SEMA6D: variants seen among roughly 807,000 people sequenced by gnomAD.
SEMA6D encodes the protein semaphorin 6D, also known as semaphorin-6D.
SEMA6D carries 35 observed loss-of-function variants against 106.6 expected under a neutral mutation model. That is an observed-to-expected ratio of 0.33 (90% CI 0.25 to 0.44). The LOEUF (loss-of-function observed/expected upper bound fraction) is 0.44, where lower values mean the gene tolerates loss of function less well. SEMA6D is among the 20% of genes least tolerant of loss of function. SEMA6D has a pLI of 1.00. For missense variants in SEMA6D, 1,185 were observed against 1,345.9 expected, an observed-to-expected ratio of 0.88 and a Z score of 1.87; for synonymous variants, 499 against 487.7, an observed-to-expected ratio of 1.02 and a Z score of -0.31.
rs746411921 is a variant in SEMA6D, at chr15:47,771,001, C to T, written c.2438C>T (p.Pro813Leu). The T allele has an allele frequency of 6.6e-5, 106 of 1,613,960 alleles. 1 individual carries two copies. Among genetic ancestry groups the T allele is most frequent in the Middle Eastern group, 3.3e-4 (2 of 6,084 alleles). Residue 813 changes from proline (P) to leucine (L), a missense_variant, in exon 19 of 19, where the codon CCG becomes CTG. Around this residue, in one of 3 missense-constraint regions of SEMA6D, gnomAD observed 750 missense variants for 783.5 expected, o/e 0.96. Transcript: ENST00000536845. ...ACCCCTCAGTTTTTTCCGTCTAGTCCGCCACCTCATTCCCCATTAAGTCAT... is the reference window on the plus strand; with the variant it reads ...ACCCCTCAGTTTTTTCCGTCTAGTCTGCCACCTCATTCCCCATTAAGTCAT... ...KETPQFFPSS[P>L]PPHSPLSHGH... is the part of the protein sequence containing the mutation.
intron 1 of SEMA6D, among the ~76,000 whole-genome samples, chr15:47,395,877 T>C (rs2040197701): frequency 6.6e-6 from 1 of 152,188 alleles, no homozygotes; most frequent in Non-Finnish European, 1.5e-5. Context: ...TATGGAGCTG[T>C]TGTAGATTGC....
chr15:47,500,039 A>G (rs1448241466), intron 3 of SEMA6D, among the ~76,000 whole-genome samples: 1 of 152,156 alleles, frequency 6.6e-6, no homozygotes, highest in African/African-American at 2.4e-5. Context: ...TCTCTTTTTG[A>G]CACTGCAATA....
At chr15:47,385,065 T>TTTTTTA (rs35758807) in intron 1 of SEMA6D, among the ~76,000 whole-genome samples, 5 of 137,228 alleles carry the variant, frequency 3.6e-5, no homozygotes, top group African/African-American at 5.5e-5. Context: ...TTTTTTTTTT[T>TTTTTTA]ACCATAGAAC....
Position 47,651,577 on chromosome 15 carries a change from GT to G in SEMA6D, c.-55+50683del, listed in dbSNP as rs2077692356. Among the ~76,000 whole-genome samples, 3 of 152,182 alleles carry G rather than the reference GT, an allele frequency of 2.0e-5. No individual in the cohort carries two copies. The South Asian group carries it at 6.2e-4, about 32-fold the overall frequency. ...TTGTGAATCTTAATGCATAAAGAGT[GT>G]TCTAGAATGAGGCAACCACCAGGTT... On this transcript the variant is annotated intron_variant, in intron 4 of 19. Transcript: ENST00000558014.
chr15:47,293,649 A>G (rs2035682555), intron 1 of SEMA6D, among the ~76,000 whole-genome samples: 1 of 152,208 alleles, frequency 6.6e-6, no homozygotes, highest in South Asian at 2.1e-4. Context: ...TGTTTTATTC[A>G]TGACTGATAC....
chr15:47,515,163 A>G (rs2044350310), intron 3 of SEMA6D, among the ~76,000 whole-genome samples: 1 of 152,058 alleles, frequency 6.6e-6, no homozygotes, highest in African/African-American at 2.4e-5. Flanking sequence ...TCCAACCATC[A>G]ATATCACTAA....
intron 1 of SEMA6D, among the ~76,000 whole-genome samples, chr15:47,187,542 A>G (rs1893665195): frequency 6.6e-6 from 1 of 152,170 alleles, no homozygotes; most frequent in Admixed American, 6.5e-5. Flanking sequence ...AATAGTGGCT[A>G]ATGAATTACA....
intron 3 of SEMA6D, among the ~76,000 whole-genome samples, chr15:47,531,623 A>G (rs1252871845): frequency 6.6e-6 from 1 of 152,230 alleles, no homozygotes; most frequent in Non-Finnish European, 1.5e-5. Context: ...GTGGTTGTTC[A>G]TTAGAACAGG....
intron 1 of SEMA6D, among the ~76,000 whole-genome samples, chr15:47,744,828 A>G (rs1039587111): frequency 6.6e-6 from 1 of 152,228 alleles, no homozygotes; most frequent in Non-Finnish European, 1.5e-5. Flanking sequence ...TGAATTGGGA[A>G]GAATTTTACT....
At chr15:47,313,470 A>AG (rs1329017894) in intron 1 of SEMA6D, among the ~76,000 whole-genome samples, 2 of 152,122 alleles carry the variant, frequency 1.3e-5, no homozygotes, top group Non-Finnish European at 2.9e-5. Flanking sequence ...AGTGCTGAAT[A>AG]TTATTCTATT....
At chr15:47,449,621 T>G (rs2042129274) in intron 2 of SEMA6D, among the ~76,000 whole-genome samples, 1 of 152,098 alleles carries the variant, frequency 6.6e-6, no homozygotes, top group East Asian at 1.9e-4. Flanking sequence ...ATCCCGAGCT[T>G]CTCACCACAG....
chr15:47,737,597 G>A (rs1021966452), intron 1 of SEMA6D, among the ~76,000 whole-genome samples: 3 of 151,928 alleles, frequency 2.0e-5, no homozygotes, highest in Admixed American at 1.3e-4. Flanking sequence ...ATAAGCTGAG[G>A]ATTACTGGTT....
intron 11 of SEMA6D, 86 bp from the exon 12 acceptor site, chr15:47,764,549 TCTC>T: frequency 6.5e-7 from 1 of 1,548,018 alleles, no homozygotes; most frequent in Non-Finnish European, 8.8e-7. Flanking sequence ...CTTGACCTCT[TCTC>T]TGAGAATATA....
intron 1 of SEMA6D, among the ~76,000 whole-genome samples, chr15:47,254,319 ATG>A (rs370707378): frequency 0.019 from 2,599 of 134,610 alleles, 82 homozygotes; most frequent in African/African-American, 0.058. Context: ...ATGTATATAT[ATG>A]TGTGTGTGTG....
In SEMA6D at chr15:47,552,830, T is replaced by TTA. The variant is rs1184935467; in HGVS notation, c.-86-48024_-86-48023dup. On this transcript the variant is annotated intron_variant, in intron 3 of 19. Coordinates refer to the SEMA6D transcript ENST00000558014. ...AAAATATATATAAATATATATATTT[T>TTA]TATATATATATAAATATATATAAAT... is the stretch of plus-strand genomic sequence containing the variant. Among the ~76,000 whole-genome samples the TTA allele has an allele frequency of 3.7e-4, 25 of 68,422 alleles. 1 individual carries two copies. The highest frequency in any genetic ancestry group is 1.1e-3 in the South Asian group (3 of 2,782). The allele number at this position is 68,422 out of a possible 152,430, so 44.9% of individuals were successfully genotyped here.
intron 1 of SEMA6D, among the ~76,000 whole-genome samples, chr15:47,313,077 C>G (rs2036510362): frequency 6.6e-6 from 1 of 152,140 alleles, no homozygotes; most frequent in Admixed American, 6.5e-5. Flanking sequence ...GTCAACATCT[C>G]CACAAGAATG....
At chr15:47,739,084 T>C (rs687566) in intron 1 of SEMA6D, among the ~76,000 whole-genome samples, 96,565 of 152,022 alleles carry the variant, frequency 0.64, 31,061 homozygotes, top group Middle Eastern at 0.69. Flanking sequence ...AGTCCTGGGC[T>C]CCAAACTGGC....
At chr15:47,282,045 T>C (rs950106895) in intron 1 of SEMA6D, among the ~76,000 whole-genome samples, 2 of 152,308 alleles carry the variant, frequency 1.3e-5, no homozygotes, top group African/African-American at 4.8e-5. Flanking sequence ...AGAGTAATAA[T>C]TGTCCTTATT....
chr15:47,501,817 A>G (rs1416132526), intron 3 of SEMA6D, among the ~76,000 whole-genome samples: 1 of 152,160 alleles, frequency 6.6e-6, no homozygotes, highest in Non-Finnish European at 1.5e-5. Context: ...GCCAAACATT[A>G]TAAATTTTGG....
Sources: allele counts gnomAD v4.1 joint callset (sites outside exome capture counted in the v4.1 genomes callset), GRCh38; gene constraint gnomAD v4.1.1; regional missense constraint gnomAD v4.1.1; transcripts MANE v1.5; gene names NCBI Gene and HGNC (gene_info 2026-07-23, HGNC 2026-07-21).